The following UNC13B variants were observed in gnomAD, a reference collection of about 807,000 sequenced individuals.
The protein encoded by UNC13B is protein unc-13 homolog B.
A neutral mutation model predicts 211.0 loss-of-function variants in UNC13B; 144 were observed. That is an observed-to-expected ratio of 0.68 (90% CI 0.60 to 0.78). The LOEUF (loss-of-function observed/expected upper bound fraction) is 0.78, where lower values mean the gene tolerates loss of function less well. Ranked by LOEUF, UNC13B falls within the 30% of genes least tolerant of loss-of-function variation. The pLI, the probability that UNC13B is intolerant of heterozygous loss-of-function variation, is 0.00. For missense variants in UNC13B, 1,777 were observed against 2,002.0 expected, an observed-to-expected ratio of 0.89 and a Z score of 2.14; for synonymous variants, 709 against 725.8, an observed-to-expected ratio of 0.98 and a Z score of 0.37.
At chr9:35,335,560 C>G (rs115946747) in intron 11 of UNC13B, among the ~76,000 whole-genome samples, 1,736 of 152,280 alleles carry the variant, frequency 0.011, 24 homozygotes, top group African/African-American at 0.038. Flanking sequence ...TGAGAACACT[C>G]AGACTTAAAC....
Position 35,398,930 on chromosome 9 carries a change from G to A in UNC13B, c.11970G>A (p.Leu3990=). The A allele has an allele frequency of 3.7e-6, 6 of 1,614,166 alleles. No homozygotes were observed. The highest frequency in any genetic ancestry group is 5.1e-6 in the Non-Finnish European group (6 of 1,180,018). The stretch of plus-strand genomic sequence containing the variant: ...GTGTTCGACAAATGGCCGACATCCT[G>A]GGCCAGGTTCGGGGCACAGGGAATG... ...DECVRQMADI[L]GQVRGTGNAS... Residue 3990 remains leucine (L), a synonymous_variant, in exon 33 of 40, where the codon CTG becomes CTA. Coordinates refer to ENST00000635942, the MANE Select transcript of UNC13B (RefSeq NM_001371189.2).
intron 24 of UNC13B, among the ~76,000 whole-genome samples, chr9:35,389,145 C>T (rs535677598): frequency 6.6e-6 from 1 of 152,272 alleles, no homozygotes; most frequent in Admixed American, 6.5e-5. Context: ...GTGTTCCACC[C>T]TCCCTGTGGT....
At chr9:35,265,226 C>T (rs570817474) in intron 7 of UNC13B, among the ~76,000 whole-genome samples, 1 of 152,270 alleles carries the variant, frequency 6.6e-6, no homozygotes, top group East Asian at 1.9e-4. Context: ...TGTATTTGGA[C>T]ATAGGACCTG....
chr9:35,210,286 T>C (rs1288413254), intron 1 of UNC13B, among the ~76,000 whole-genome samples: 1 of 152,212 alleles, frequency 6.6e-6, no homozygotes, highest in African/African-American at 2.4e-5. Context: ...TGTGGGTATT[T>C]AAATGTAAAT....
chr9:35,177,492 A>C (rs1214339194), intron 1 of UNC13B, among the ~76,000 whole-genome samples: 1 of 152,210 alleles, frequency 6.6e-6, no homozygotes, highest in Non-Finnish European at 1.5e-5. Flanking sequence ...TTTAAAATGG[A>C]AGTGTTAACA....
chr9:35,300,923 G>C lies in UNC13B; in HGVS notation c.1519G>C (p.Gly507Arg). 2.5e-6 allele frequency: 1 copy of C among 398,898 alleles called. No individual in the cohort carries two copies. The highest frequency in any genetic ancestry group is 4.4e-6 in the Non-Finnish European group (1 of 226,000). 24.7% of individuals were successfully genotyped at this position (398,898 alleles called of 1,614,324 possible). The change falls in exon 9 of 40, where the codon GGG becomes CGG. Residue 507 changes from glycine (G) to arginine (R), a missense_variant. Transcript: ENST00000635942. ...TCTTGATGCAGAACAGAGAACGCCT[G>C]GGGATCAAATACCACCTTTAACTAT... The part of the protein sequence containing the change: ...STLDAEQRTP[G>R]DQIPPLTIVK...
intron 6 of UNC13B, 35 bp from the exon 7 acceptor site, chr9:35,258,958 T>C (rs762836190): frequency 3.8e-6 from 6 of 1,586,386 alleles, no homozygotes; most frequent in Non-Finnish European, 5.2e-6. Flanking sequence ...CTTCTGATTG[T>C]ATTTATTTAT....
Position 35,214,017 on chromosome 9 carries a change from A to G in UNC13B, c.23-13998A>G, listed in dbSNP as rs191717709. Among the ~76,000 whole-genome samples, 70 of 152,374 alleles carry G rather than the reference A, an allele frequency of 4.6e-4. 1 individual carries two copies. The highest frequency in any genetic ancestry group is 4.4e-3 in the Admixed American group (67 of 15,302). On this transcript the variant is annotated intron_variant, in intron 1 of 39. Transcript: ENST00000635942. ...ACCAGAGTGTCATGATACATGACGTAGAACATAATCAGACCTTCATTAACT... is the reference window on the plus strand; with the variant it reads ...ACCAGAGTGTCATGATACATGACGTGGAACATAATCAGACCTTCATTAACT...
At chr9:35,389,619 T>C (rs1835400529) in intron 24 of UNC13B, among the ~76,000 whole-genome samples, 1 of 152,182 alleles carries the variant, frequency 6.6e-6, no homozygotes, top group Non-Finnish European at 1.5e-5. Context: ...ACCAAGTTTA[T>C]CAGAGAGAAC....
intron 11 of UNC13B, chr9:35,351,364 G>A: frequency 8.1e-7 from 1 of 1,227,104 alleles, no homozygotes. Context: ...GGCCATTCCA[G>A]GCAGCACTGT....
intron 2 of UNC13B, among the ~76,000 whole-genome samples, chr9:35,228,746 GTGTA>G (rs779227390): frequency 2.6e-4 from 35 of 134,652 alleles, no homozygotes; most frequent in African/African-American, 9.3e-4. Flanking sequence ...GTGTGTGTGT[GTGTA>G]TGTGTGTGTC....
chr9:35,346,518 C>T (rs1832367356), intron 11 of UNC13B, among the ~76,000 whole-genome samples: 1 of 152,100 alleles, frequency 6.6e-6, no homozygotes, highest in Non-Finnish European at 1.5e-5. Flanking sequence ...GGATCTACTC[C>T]CTGCAGTAAT....
At chr9:35,293,079 A>T (rs1264591412) in intron 7 of UNC13B, among the ~76,000 whole-genome samples, 1 of 152,162 alleles carries the variant, frequency 6.6e-6, no homozygotes, top group Non-Finnish European at 1.5e-5. Context: ...GCCTCTCACT[A>T]CTTTTTTCTG....
chr9:35,392,115 T>C (rs776937569), intron 26 of UNC13B, among the ~76,000 whole-genome samples: 128 of 152,282 alleles, frequency 8.4e-4, no homozygotes, highest in Middle Eastern at 3.4e-3. Flanking sequence ...ATCTGTAAAA[T>C]GGGAGTGATG....
chr9:35,272,241 TTTTTTGTTTTTTTTTG>T (rs1246070416), intron 7 of UNC13B, among the ~76,000 whole-genome samples: 149 of 151,074 alleles, frequency 9.9e-4, no homozygotes, highest in Non-Finnish European at 1.9e-3. Flanking sequence ...TCATTTTGTT[TTTTTTGTTTTTTTTTG>T]TTTTTGTTTT....
At chr9:35,296,441 A>G (rs1451410774) in intron 8 of UNC13B, among the ~76,000 whole-genome samples, 2 of 152,222 alleles carry the variant, frequency 1.3e-5, no homozygotes, top group Non-Finnish European at 2.9e-5. Context: ...TCAATACAGC[A>G]TAAAGAGTTT....
intron 1 of UNC13B, among the ~76,000 whole-genome samples, chr9:35,221,857 G>A (rs1010627218): frequency 3.3e-5 from 5 of 152,172 alleles, no homozygotes; most frequent in African/African-American, 1.2e-4. Context: ...AAGCAAATAT[G>A]TATATGCACT....
intron 11 of UNC13B, among the ~76,000 whole-genome samples, chr9:35,330,332 A>G (rs142309947): frequency 4.5e-4 from 68 of 152,350 alleles, no homozygotes; most frequent in African/African-American, 1.5e-3. Context: ...TGAATGACCC[A>G]TCAAAGGTCA....
intron 11 of UNC13B, among the ~76,000 whole-genome samples, chr9:35,358,656 T>C (rs1306404988): frequency 6.6e-6 from 1 of 151,862 alleles, no homozygotes; most frequent in Non-Finnish European, 1.5e-5. Context: ...TTTTTATGAG[T>C]TTTATAGTTT....
Sources: allele counts gnomAD v4.1 joint callset (sites outside exome capture counted in the v4.1 genomes callset), GRCh38; gene constraint gnomAD v4.1.1; transcripts MANE v1.5; gene names NCBI Gene and HGNC (gene_info 2026-07-23, HGNC 2026-07-21).